Variants in PRR5 observed in about 807,000 individuals in gnomAD.
The protein encoded by PRR5 is proline rich 5.
PRR5 carries 25 observed loss-of-function variants against 30.6 expected under a neutral mutation model. The ratio of observed to expected loss-of-function variants is 0.82; its 90% CI spans 0.60 to 1.14. PRR5 has a LOEUF of 1.14. Among genes scored for constraint, PRR5 ranks in the 50% most tolerant of loss-of-function variants. The pLI, the probability that PRR5 is intolerant of heterozygous loss-of-function variation, is 0.00. For synonymous variants in PRR5, 286 were observed against 247.1 expected (o/e 1.16, Z -1.48); for missense variants, 600 against 547.1 (o/e 1.10, Z -0.96).
chr22:44,702,221 G>A lies in PRR5; in HGVS notation c.-254G>A, dbSNP rs1926419143. On this transcript the variant is annotated 5_prime_UTR_variant, in exon 1 of 8. Coordinates refer to ENST00000336985, the MANE Select transcript of PRR5 (RefSeq NM_181333.4). ...CCGCCCCCGGCCTCCGTTTGCGCCG[G>A]GTCTGTGCTGGCCGCGCGCCTGGCG... The A allele has an allele frequency of 5.5e-6, 6 of 1,089,056 alleles. No individual in the cohort carries two copies. The highest frequency in any genetic ancestry group is 8.9e-5 in the South Asian group (2 of 22,392). 67.5% of individuals were successfully genotyped at this position (1,089,056 alleles called of 1,614,324 possible). A position where few individuals can be genotyped will look rare whatever the true frequency, so the allele number is the denominator to read the frequency against.
At position 44,729,798 on chromosome 22, in the gene PRR5, G is replaced by A. The variant is rs1040995962; in HGVS notation, c.323-1932G>A. On this transcript the variant is annotated intron_variant, in intron 4 of 7. Coordinates refer to ENST00000336985, the MANE Select transcript of PRR5 (RefSeq NM_181333.4). ...AACATCTGCTTTCCGCAGCATTTCC[G>A]CCCCGTGGGCTGGAGAACAGCCTGC... is the stretch of plus-strand genomic sequence containing the variant. 30 of 985,370 alleles carry A rather than the reference G, an allele frequency of 3.0e-5. No homozygotes were observed. In the African/African-American group the frequency reaches 4.0e-4, roughly 13 times the overall value. 61.0% of individuals were successfully genotyped at this position (985,370 alleles called of 1,614,324 possible). A position where few individuals can be genotyped will look rare whatever the true frequency, so the allele number is the denominator to read the frequency against.
chr22:44,732,986 A>G (rs925569728), intron 6 of PRR5, among the ~76,000 whole-genome samples: 2 of 138,496 alleles, frequency 1.4e-5, no homozygotes, highest in Admixed American at 6.9e-5. Flanking sequence ...CTACACACAT[A>G]CATGTGCGCG....
At chr22:44,688,158 C>T (rs1601961304) in intron 1 of PRR5, among the ~76,000 whole-genome samples, 1 of 150,472 alleles carries the variant, frequency 6.6e-6, no homozygotes, top group African/African-American at 2.4e-5. Flanking sequence ...CTGAGGCAGG[C>T]GTATCACTTG....
chr22:44,693,532 G>GAT (rs1925468489), intron 1 of PRR5, among the ~76,000 whole-genome samples: 1 of 151,424 alleles, frequency 6.6e-6, no homozygotes, highest in South Asian at 2.1e-4. Flanking sequence ...CTTGTGGGCC[G>GAT]CATCACTCCA....
At chr22:44,688,050 C>CG (rs935780045) in intron 1 of PRR5, among the ~76,000 whole-genome samples, 22 of 151,320 alleles carry the variant, frequency 1.5e-4, no homozygotes, top group African/African-American at 5.3e-4. Context: ...GCTGGGATTA[C>CG]AGGCGTGAGC....
chr22:44,695,080 A>G (rs1925627195), intron 1 of PRR5, among the ~76,000 whole-genome samples: 1 of 152,174 alleles, frequency 6.6e-6, no homozygotes, highest in Non-Finnish European at 1.5e-5. Flanking sequence ...CTGAGGCAAG[A>G]GAATCGCTTG....
upstream of PRR5, among the ~76,000 whole-genome samples, chr22:44,699,423 T>C (rs1169753034): frequency 6.6e-6 from 1 of 152,250 alleles, no homozygotes; most frequent in Non-Finnish European, 1.5e-5. Flanking sequence ...CCCATCCGGA[T>C]CCCTGGCGGT....
chr22:44,730,282 C>G, intron 4 of PRR5: 1 of 985,170 alleles, frequency 1.0e-6, no homozygotes, highest in Non-Finnish European at 1.2e-6. Flanking sequence ...CAGCCGGCAA[C>G]GCTTCCCTCT....
At chr22:44,735,417 A>G (rs960260495) in intron 7 of PRR5, among the ~76,000 whole-genome samples, 1 of 152,204 alleles carries the variant, frequency 6.6e-6, no homozygotes, top group Non-Finnish European at 1.5e-5. Flanking sequence ...CCAGGAGGCC[A>G]CATTCATGTG....
chr22:44,681,393 G>C (rs1924270705), intron 1 of PRR5, among the ~76,000 whole-genome samples: 1 of 152,162 alleles, frequency 6.6e-6, no homozygotes, highest in Non-Finnish European at 1.5e-5. Flanking sequence ...TTTGAGACCA[G>C]CCTGGCCAAC....
chr22:44,711,513 G>A (rs1181517882), intron 1 of PRR5, among the ~76,000 whole-genome samples: 1 of 151,976 alleles, frequency 6.6e-6, no homozygotes, highest in Non-Finnish European at 1.5e-5. Flanking sequence ...GGTGACCAGA[G>A]TGGGCTGGAG....
chr22:44,719,544 G>A (rs73889704), intron 2 of PRR5, among the ~76,000 whole-genome samples: 2,707 of 152,208 alleles, frequency 0.018, 83 homozygotes, highest in African/African-American at 0.061. Context: ...GGGCGCCCTC[G>A]TTGTGCTCAG....
At chr22:44,703,583 C>T (rs1926716614) in intron 1 of PRR5, among the ~76,000 whole-genome samples, 2 of 152,184 alleles carry the variant, frequency 1.3e-5, no homozygotes, top group Non-Finnish European at 1.5e-5. Flanking sequence ...TGCTAGAGGG[C>T]TGTCACATGC....
chr22:44,718,652 G>A (rs1025297043), intron 2 of PRR5, among the ~76,000 whole-genome samples: 1 of 152,144 alleles, frequency 6.6e-6, no homozygotes. Context: ...AGTTCAGTTT[G>A]TCCACATTCT....
At chr22:44,671,391 A>C (rs765541290) in intron 1 of PRR5, among the ~76,000 whole-genome samples, 2 of 151,668 alleles carry the variant, frequency 1.3e-5, no homozygotes, top group Non-Finnish European at 2.9e-5. Context: ...CTTAAAATTG[A>C]ATCTTGCTGG....
upstream of PRR5, among the ~76,000 whole-genome samples, chr22:44,697,835 C>T (rs1925901166): frequency 6.6e-6 from 1 of 152,234 alleles, no homozygotes; most frequent in African/African-American, 2.4e-5. Context: ...TGGTCTCCCA[C>T]TTGGCAGCCT....
At chr22:44,736,021 C>T (rs561350173) in intron 7 of PRR5, among the ~76,000 whole-genome samples, 77 of 152,328 alleles carry the variant, frequency 5.1e-4, no homozygotes, top group African/African-American at 1.7e-3. Flanking sequence ...GTGTGTCGCC[C>T]GCCACCTGGT....
chr22:44,697,427 G>C (rs1287944891), upstream of PRR5, among the ~76,000 whole-genome samples: 1 of 152,236 alleles, frequency 6.6e-6, no homozygotes, highest in African/African-American at 2.4e-5. Context: ...GGACGGCCCG[G>C]ATGGCAGAGA....
At chr22:44,720,121 C>T (rs1378615995) in intron 2 of PRR5, among the ~76,000 whole-genome samples, 3 of 152,208 alleles carry the variant, frequency 2.0e-5, no homozygotes, top group Non-Finnish European at 4.4e-5. Context: ...CTGGGGCTGG[C>T]TTGGGGTTCC....
Sources: gnomAD v4.1 joint callset for allele counts (sites outside exome capture counted in the v4.1 genomes callset) on GRCh38, gnomAD v4.1.1 for gene constraint, MANE v1.5 for transcripts, NCBI Gene and HGNC (gene_info 2026-07-23, HGNC 2026-07-21) for gene names.